The following GML variants were observed in gnomAD, a reference collection of about 807,000 sequenced individuals.
GML encodes glycosylphosphatidylinositol anchored molecule like.
In GML, 5 loss-of-function variants were observed where a neutral mutation model predicts 8.2. The ratio of observed to expected loss-of-function variants is 0.61; its 90% CI spans 0.32 to 1.28. The LOEUF (loss-of-function observed/expected upper bound fraction) is 1.28. Ranked by LOEUF, GML falls within the 50% of genes most tolerant of loss-of-function variation. GML has a pLI of 0.06. For missense variants in GML, 191 were observed against 198.3 expected (o/e 0.96, Z 0.22); for synonymous variants, 72 against 69.0 (o/e 1.04, Z -0.22).
At chr8:142,840,897 G>A (rs1343795086) in intron 2 of GML, among the ~76,000 whole-genome samples, 1 of 152,192 alleles carries the variant, frequency 6.6e-6, no homozygotes, top group Non-Finnish European at 1.5e-5. Flanking sequence ...TCTGGAGCCT[G>A]CGTTGGAGAG....
rs549351182 is a variant in GML at position 142,840,570 on chromosome 8, G to A, written c.73+60G>A. The A allele has an allele frequency of 8.2e-6, 10 of 1,226,822 alleles. No individual in the cohort carries two copies. The South Asian group carries it at 1.2e-4, about 15-fold the overall frequency. The allele number at this position is 1,226,822 out of a possible 1,614,324, so 76.0% of individuals were successfully genotyped here. A position where few individuals can be genotyped will look rare whatever the true frequency, so the allele number is the denominator to read the frequency against. On this transcript the variant is annotated intron_variant, in intron 2 of 3. Coordinates refer to ENST00000220940, the MANE Select transcript of GML (RefSeq NM_002066.3). ...ACGAGAATTCACCTGGGGTGCTGGG[G>A]GTCACTGGGATGATTGGCTGCAACG...
intron 3 of GML, among the ~76,000 whole-genome samples, chr8:142,845,132 T>C (rs1816487818): frequency 6.6e-6 from 1 of 152,226 alleles, no homozygotes; most frequent in Non-Finnish European, 1.5e-5. Flanking sequence ...TAGGGATAAA[T>C]TTCATAAACA....
chr8:142,836,963 G>C (rs1424671743), intron 1 of GML, among the ~76,000 whole-genome samples: 1 of 152,176 alleles, frequency 6.6e-6, no homozygotes. Context: ...GGGCATGGGG[G>C]TAGACGGGCT....
At chr8:142,840,015 G>A (rs940910212) in intron 1 of GML, among the ~76,000 whole-genome samples, 40 of 147,052 alleles carry the variant, frequency 2.7e-4, no homozygotes, top group Admixed American at 1.1e-3. Context: ...CGGGAAGCGC[G>A]TCAGTGGGCG....
At chr8:142,838,623 A>G (rs536117914) in intron 1 of GML, among the ~76,000 whole-genome samples, 188 of 152,308 alleles carry the variant, frequency 1.2e-3, no homozygotes, top group African/African-American at 4.4e-3. Flanking sequence ...ATCCTCTGGA[A>G]GATGAGGCCT....
chr8:142,840,301 A>T, intron 1 of GML, 115 bp from the exon 2 acceptor site: 1 of 657,508 alleles, frequency 1.5e-6, no homozygotes. Flanking sequence ...CCAGTGGGGG[A>T]GGCATTCAGG....
intron 1 of GML, among the ~76,000 whole-genome samples, chr8:142,837,051 T>G (rs1586542346): frequency 6.6e-6 from 1 of 152,270 alleles, no homozygotes; most frequent in East Asian, 1.9e-4. Flanking sequence ...CCCAGCACTT[T>G]GGGAGGCTGA....
chr8:142,841,134 A>G lies in GML; in HGVS notation c.90A>G (p.Arg30=), dbSNP rs369242046. 2.6e-6 allele frequency: 4 copies of G among 1,550,696 alleles called. No homozygotes were observed. Among genetic ancestry groups the G allele is most frequent in the East Asian group, 2.2e-5 (1 of 44,554 alleles). ...TMRAQWTYSL[R]CHDCAVINDF... ...CCCTCTCAGGGACTTACAGTTTGAG[A>G]TGCCATGACTGTGCGGTCATAAATG... Residue 30 remains arginine (R), a synonymous_variant, in exon 3 of 4, where the codon AGA becomes AGG. Coordinates refer to ENST00000220940, the MANE Select transcript of GML (RefSeq NM_002066.3).
chr8:142,840,524 C>T lies in GML; in HGVS notation c.73+14C>T, dbSNP rs1232455125. 2.6e-5 allele frequency: 41 copies of T among 1,577,976 alleles called. No homozygotes were observed. The highest frequency in any genetic ancestry group is 3.5e-5 in the Non-Finnish European group (40 of 1,147,136). On this transcript the variant is annotated intron_variant, in intron 2 of 3. Transcript: ENST00000220940. The stretch of plus-strand genomic sequence containing the variant: ...TGCGCGCTCAGTGTAAGTATCATTC[C>T]CTCTCACTGTCCTGGAGAGGACGAG...
Position 142,846,434 on chromosome 8 carries a change from C to G in GML, c.221C>G (p.Thr74Arg). 1 of 1,611,636 alleles carries G rather than the reference C, an allele frequency of 6.2e-7. No individual in the cohort carries two copies. Among genetic ancestry groups the G allele is most frequent in the South Asian group, 1.1e-5 (1 of 91,028 alleles). Reference sequence around the variant, plus strand: ...GAACTACTTGTTTATAAGAACTGTACAAACAACTGCACATTTGTATATGCA... The same window carrying G: ...GAACTACTTGTTTATAAGAACTGTAGAAACAACTGCACATTTGTATATGCA... ...SRELLVYKNCTNNCTFVYAAE... is the reference protein window; with the variant it reads ...SRELLVYKNCRNNCTFVYAAE... The change falls in exon 4 of 4, where the codon ACA becomes AGA. Residue 74 changes from threonine (T) to arginine (R), a missense_variant. Transcript: ENST00000220940.
intron 1 of GML, among the ~76,000 whole-genome samples, chr8:142,839,365 C>T (rs1816391175): frequency 6.6e-6 from 1 of 152,202 alleles, no homozygotes; most frequent in Admixed American, 6.5e-5. Context: ...CAGCCTCGCC[C>T]ACTGGCGCTG....
chr8:142,840,047 G>A (rs1287509852), intron 1 of GML, among the ~76,000 whole-genome samples: 1 of 150,584 alleles, frequency 6.6e-6, no homozygotes, highest in African/African-American at 2.5e-5. Flanking sequence ...AAGCGCGTCA[G>A]TGGGCGGAGT....
intron 3 of GML, among the ~76,000 whole-genome samples, chr8:142,845,680 G>C (rs985048452): frequency 7.2e-5 from 11 of 152,200 alleles, no homozygotes; most frequent in Non-Finnish European, 1.5e-4. Context: ...GCTTTGGTCA[G>C]GTGGCATTGG....
At chr8:142,841,475 G>T (rs908995088) in intron 3 of GML, among the ~76,000 whole-genome samples, 1 of 152,192 alleles carries the variant, frequency 6.6e-6, no homozygotes, top group Non-Finnish European at 1.5e-5. Flanking sequence ...CGTCTCCAGG[G>T]GGTAGGAGCA....
Position 142,841,147 on chromosome 8 carries a change from G to A in GML, c.103G>A (p.Ala35Thr). 1 of 1,578,566 alleles carries A rather than the reference G, an allele frequency of 6.3e-7. No individual in the cohort carries two copies. Reference sequence around the variant, plus strand: ...TTACAGTTTGAGATGCCATGACTGTGCGGTCATAAATGACTTCAACTGTCC... The same window carrying A: ...TTACAGTTTGAGATGCCATGACTGTACGGTCATAAATGACTTCAACTGTCC... ...WTYSLRCHDC[A>T]VINDFNCPNI... is the part of the protein sequence containing the mutation. Residue 35 changes from alanine (A) to threonine (T), a missense_variant, in exon 3 of 4, where the codon GCG (alanine) becomes ACG (threonine). Transcript: ENST00000220940.
intron 1 of GML, among the ~76,000 whole-genome samples, chr8:142,837,379 G>A (rs1193532239): frequency 6.6e-6 from 1 of 151,980 alleles, no homozygotes; most frequent in African/African-American, 2.4e-5. Flanking sequence ...GCACTAGTAG[G>A]ATTTTGGGGA....
At chr8:142,844,247 A>G (rs1816474553) in intron 3 of GML, among the ~76,000 whole-genome samples, 1 of 152,244 alleles carries the variant, frequency 6.6e-6, no homozygotes, top group African/African-American at 2.4e-5. Context: ...TGCGCTGAGC[A>G]GTAGTGGATA....
intron 3 of GML, among the ~76,000 whole-genome samples, chr8:142,842,744 T>C (rs1816450894): frequency 6.6e-6 from 1 of 152,202 alleles, no homozygotes; most frequent in Non-Finnish European, 1.5e-5. Flanking sequence ...TGATGGGTAC[T>C]CCAGTGGCGC....
intron 3 of GML, among the ~76,000 whole-genome samples, chr8:142,844,216 C>T (rs565004124): frequency 5.3e-5 from 8 of 152,158 alleles, no homozygotes; most frequent in Non-Finnish European, 1.0e-4. Flanking sequence ...CCCTGCAGTG[C>T]AGTAGGTAAA....
Sources: gnomAD v4.1 joint callset for allele counts (sites outside exome capture counted in the v4.1 genomes callset) on GRCh38, gnomAD v4.1.1 for gene constraint, MANE v1.5 for transcripts, NCBI Gene and HGNC (gene_info 2026-07-23, HGNC 2026-07-21) for gene names.